MANBA: variants seen among roughly 807,000 people sequenced by gnomAD.
MANBA encodes beta-mannosidase.
MANBA carries 83 observed loss-of-function variants against 111.1 expected under a neutral mutation model. The observed-to-expected ratio is 0.75, with a 90% CI of 0.63 to 0.90. MANBA has a LOEUF of 0.90. Ranked by LOEUF, MANBA falls within the 40% of genes least tolerant of loss-of-function variation. The probability of loss-of-function intolerance (pLI) is 0.00; values close to 1 mark genes in which losing one functional copy is unlikely to be tolerated. For missense variants in MANBA, 1,036 were observed against 1,069.0 expected (o/e 0.97, Z 0.43); for synonymous variants, 370 against 378.7 (o/e 0.98, Z 0.27).
At chr4:102,706,845 A>G (rs1196732498) in intron 5 of MANBA, among the ~76,000 whole-genome samples, 1 of 152,174 alleles carries the variant, frequency 6.6e-6, no homozygotes, top group Non-Finnish European at 1.5e-5. Flanking sequence ...TCAGAACTTG[A>G]GGACAGATTT....
chr4:102,736,933 A>G (rs1723236097), intron 1 of MANBA, among the ~76,000 whole-genome samples: 1 of 152,228 alleles, frequency 6.6e-6, no homozygotes, highest in Non-Finnish European at 1.5e-5. Context: ...CCAAACACAC[A>G]TCCCCTCTGG....
At chr4:102,730,602 T>C (rs986204403) in intron 1 of MANBA, 21 of 541,544 alleles carry the variant, frequency 3.9e-5, no homozygotes, top group Non-Finnish European at 7.1e-5. Flanking sequence ...TCCCAAAGCC[T>C]GACAAGTTGA....
chr4:102,750,838 A>G (rs1335171982), intron 1 of MANBA, among the ~76,000 whole-genome samples: 1 of 152,106 alleles, frequency 6.6e-6, no homozygotes, highest in East Asian at 1.9e-4. Context: ...GCTTGAGTCC[A>G]GGAGGTTAAG....
At chr4:102,703,022 T>C (rs28432851) in intron 5 of MANBA, among the ~76,000 whole-genome samples, 10,328 of 152,284 alleles carry the variant, frequency 0.068, 974 homozygotes, top group African/African-American at 0.21. Flanking sequence ...ATATAACAGA[T>C]GCCCAATATA....
At chr4:102,751,526 G>T in intron 1 of MANBA, 1 of 531,484 alleles carries the variant, frequency 1.9e-6, no homozygotes. Flanking sequence ...AATTACTAAA[G>T]GACAAAAATG....
At chr4:102,632,330 T>C (rs1729423567) in intron 16 of MANBA, 49 bp from the exon 17 acceptor site, 1 of 1,352,954 alleles carries the variant, frequency 7.4e-7, no homozygotes, top group Admixed American at 1.7e-5. Context: ...AGGGAAGAGT[T>C]ATATAGTCTG....
At chr4:102,681,039 T>C (rs1274581828) in intron 7 of MANBA, among the ~76,000 whole-genome samples, 1 of 152,230 alleles carries the variant, frequency 6.6e-6, no homozygotes, top group Admixed American at 6.5e-5. Context: ...CAGTGGCTCA[T>C]GCCTATAACC....
At chr4:102,679,055 C>G (rs1731848570) in intron 7 of MANBA, among the ~76,000 whole-genome samples, 1 of 152,150 alleles carries the variant, frequency 6.6e-6, no homozygotes, top group Non-Finnish European at 1.5e-5. Context: ...AAGAGACAAC[C>G]AAACACTGCA....
At chr4:102,752,024 G>A in intron 1 of MANBA, 1 of 745,050 alleles carries the variant, frequency 1.3e-6, no homozygotes, top group Non-Finnish European at 2.5e-6. Context: ...AGTGGCTCCT[G>A]GGATAAGATG....
rs150304682 is a variant in MANBA, at chr4:102,673,131, C to T, written c.1112+788G>A. On this transcript the variant is annotated intron_variant, in intron 8 of 16. Coordinates refer to ENST00000647097, the MANE Select transcript of MANBA (RefSeq NM_005908.4). ...AGTTTCCTCCCCACCCTCCCACAAC[C>T]GCGCCTCCACTACACACGAGATTTT... Among the ~76,000 whole-genome samples, 1,410 of 152,256 alleles carry T rather than the reference C, an allele frequency of 9.3e-3. 27 individuals carry two copies. The highest frequency in any genetic ancestry group is 0.032 in the African/African-American group (1,337 of 41,542).
In MANBA at chr4:102,668,946, G is replaced by A. The variant is rs768803151; in HGVS notation, c.1317+17C>T. On this transcript the variant is annotated intron_variant, in intron 10 of 16. Transcript: ENST00000647097. ...ATATTATTTGTTTTATTTCTTCTTG[G>A]AAGGGTAGTAACATACCTGGTAGGC... The A allele has an allele frequency of 5.1e-6, 8 of 1,581,022 alleles. No individual in the cohort carries two copies. In the South Asian group the frequency reaches 6.7e-5, roughly 13 times the overall value.
intron 7 of MANBA, among the ~76,000 whole-genome samples, chr4:102,683,373 C>T (rs1173462183): frequency 6.6e-6 from 1 of 152,162 alleles, no homozygotes; most frequent in South Asian, 2.1e-4. Flanking sequence ...ACGTACACAG[C>T]AACAGCCTTC....
At chr4:102,740,467 A>G (rs1374477793) in intron 1 of MANBA, among the ~76,000 whole-genome samples, 11 of 152,198 alleles carry the variant, frequency 7.2e-5, no homozygotes, top group Middle Eastern at 3.2e-3. Flanking sequence ...TATAAAACTC[A>G]AAAGGAGCCT....
At chr4:102,647,496 T>C (rs1206617072) in intron 13 of MANBA, among the ~76,000 whole-genome samples, 1 of 151,404 alleles carries the variant, frequency 6.6e-6, no homozygotes, top group Non-Finnish European at 1.5e-5. Context: ...AAGAATAAAG[T>C]TAGAGTAATA....
At chr4:102,641,856 C>T (rs540287014) in intron 13 of MANBA, among the ~76,000 whole-genome samples, 32 of 151,286 alleles carry the variant, frequency 2.1e-4, no homozygotes, top group Middle Eastern at 6.4e-3. Context: ...GGATTCCTAA[C>T]CCTCACTAGC....
Position 102,760,698 on chromosome 4 carries a change from G to T in MANBA, c.177+20C>A. 6.6e-7 allele frequency: 1 copy of T among 1,515,268 alleles called. No homozygotes were observed. Among genetic ancestry groups the T allele is most frequent in the Non-Finnish European group, 8.9e-7 (1 of 1,125,140 alleles). The allele number at this position is 1,515,268 out of a possible 1,614,324, so 93.9% of individuals were successfully genotyped here. The stretch of plus-strand genomic sequence containing the variant: ...AAGAAGGCGGGCGCAGGCTCGCCGC[G>T]GGTCGGCCGCACGCCATACCTGGAT... On this transcript the variant is annotated intron_variant, in intron 1 of 16. Transcript: ENST00000647097.
chr4:102,673,223 T>C (rs562898262), intron 8 of MANBA, among the ~76,000 whole-genome samples: 2 of 152,294 alleles, frequency 1.3e-5, no homozygotes, highest in African/African-American at 2.4e-5. Context: ...AAGGTAAATA[T>C]GGGGTTGGCC....
chr4:102,723,773 C>A, intron 3 of MANBA, 89 bp downstream of exon 3: 1 of 729,606 alleles, frequency 1.4e-6, no homozygotes, highest in East Asian at 2.7e-5. Context: ...GTCACATGGC[C>A]AATTATGCAT....
chr4:102,721,903 G>A (rs1177653406), intron 4 of MANBA, among the ~76,000 whole-genome samples: 5 of 151,806 alleles, frequency 3.3e-5, no homozygotes, highest in East Asian at 1.9e-4. Flanking sequence ...GGTGGTGTTC[G>A]CCTGTAGTCC....
Sources: allele counts gnomAD v4.1 joint callset (sites outside exome capture counted in the v4.1 genomes callset), GRCh38; gene constraint gnomAD v4.1.1; transcripts MANE v1.5; gene names NCBI Gene and HGNC (gene_info 2026-07-23, HGNC 2026-07-21).